PGM5: variants seen among roughly 807,000 people sequenced by gnomAD.
The protein encoded by PGM5 is phosphoglucomutase-like protein 5.
Under a neutral mutation model 59.2 loss-of-function variants are expected in PGM5, and 23 were observed. The observed-to-expected ratio is 0.39, with a 90% CI of 0.28 to 0.55. PGM5 has a LOEUF of 0.55. PGM5 is among the 20% of genes least tolerant of loss of function. The pLI is 0.66. For synonymous variants in PGM5, 214 were observed against 286.0 expected, an observed-to-expected ratio of 0.75 and a Z score of 2.54; for missense variants, 574 against 748.3, an observed-to-expected ratio of 0.77 and a Z score of 2.72.
chr9:68,488,859 G>GA (rs1163689487), intron 9 of PGM5, among the ~76,000 whole-genome samples: 1 of 151,968 alleles, frequency 6.6e-6, no homozygotes, highest in Non-Finnish European at 1.5e-5. Context: ...AATATAAGTG[G>GA]AAAAAAATAA....
intron 6 of PGM5, among the ~76,000 whole-genome samples, chr9:68,412,492 A>G (rs1415868668): frequency 6.6e-6 from 1 of 152,198 alleles, no homozygotes; most frequent in Non-Finnish European, 1.5e-5. Context: ...AGGGAAAAGC[A>G]CTGTCGAACA....
Position 68,432,294 on chromosome 9 carries a change from G to C in PGM5, c.1044-32799G>C, listed in dbSNP as rs557789263. On this transcript the variant is annotated intron_variant, in intron 6 of 10. Transcript: ENST00000396396. ...AGGTCACTGCAACCTCTGCCTCCTG[G>C]GTTCCAGCAATTCTCCTGTCTCAGC... is the stretch of plus-strand genomic sequence containing the variant. 2.0e-5 allele frequency among the ~76,000 whole-genome samples: 3 copies of C among 151,736 alleles called. No homozygotes were observed. The South Asian group carries it at 6.2e-4, about 32-fold the overall frequency.
intron 9 of PGM5, among the ~76,000 whole-genome samples, chr9:68,492,665 G>C (rs548306434): frequency 6.6e-6 from 1 of 152,254 alleles, no homozygotes; most frequent in Admixed American, 6.5e-5. Flanking sequence ...GGGGTAGAGG[G>C]GGGCACCTGT....
intron 1 of PGM5, among the ~76,000 whole-genome samples, chr9:68,368,112 G>GC (rs1228103972): frequency 6.6e-5 from 10 of 151,672 alleles, no homozygotes; most frequent in South Asian, 2.1e-4. Flanking sequence ...TGTGCATATA[G>GC]CCCCCCCATA....
chr9:68,388,610 T>G (rs1407957041), intron 4 of PGM5, among the ~76,000 whole-genome samples: 1 of 152,204 alleles, frequency 6.6e-6, no homozygotes, highest in Non-Finnish European at 1.5e-5. Flanking sequence ...AGAAAGCTCA[T>G]GGTAGGTAAA....
chr9:68,424,333 A>G (rs567698951), intron 6 of PGM5, among the ~76,000 whole-genome samples: 2 of 152,274 alleles, frequency 1.3e-5, no homozygotes, highest in East Asian at 3.9e-4. Context: ...GTCCAAAATC[A>G]AGGAGCTGGT....
Position 68,465,133 on chromosome 9 carries a change from G to A in PGM5, c.1084G>A (p.Ala362Thr), listed in dbSNP as rs1199569526. Residue 362 changes from alanine (A) to threonine (T), a missense_variant, in exon 7 of 11, where the codon GCT becomes ACT. Physicochemically the swap from Ala to Thr is moderately conservative, Grantham distance 58. Around this residue, in one of 7 missense-constraint regions of PGM5, gnomAD observed 300 missense variants for 280.0 expected, o/e 1.07. Transcript: ENST00000396396. ...GAAGGTCCCTGTATATGAGACCCCAGCTGGATGGAGATTCTTCTCAAATCT... is the reference window on the plus strand; with the variant it reads ...GAAGGTCCCTGTATATGAGACCCCAACTGGATGGAGATTCTTCTCAAATCT... Reference protein sequence around the residue: ...SMKVPVYETPAGWRFFSNLMD... With the variant: ...SMKVPVYETPTGWRFFSNLMD... 13 of 1,613,380 alleles carry A rather than the reference G, an allele frequency of 8.1e-6. No homozygotes were observed. Among genetic ancestry groups the A allele is most frequent in the Non-Finnish European group, 1.0e-5 (12 of 1,179,392 alleles).
intron 6 of PGM5, among the ~76,000 whole-genome samples, chr9:68,406,955 T>C (rs1207695760): frequency 6.6e-6 from 1 of 151,806 alleles, no homozygotes; most frequent in Non-Finnish European, 1.5e-5. Flanking sequence ...TCTTGCTGTG[T>C]ATATTCACAT....
chr9:68,368,629 A>C (rs1834725394), intron 1 of PGM5, among the ~76,000 whole-genome samples: 1 of 152,130 alleles, frequency 6.6e-6, no homozygotes, highest in African/African-American at 2.4e-5. Context: ...TCCAGTTTTT[A>C]GTTTTTAGGT....
intron 1 of PGM5, among the ~76,000 whole-genome samples, chr9:68,376,813 C>A (rs111689027): frequency 0.022 from 2,404 of 107,808 alleles, 104 homozygotes; most frequent in East Asian, 0.14. Context: ...TTCTTTCTTT[C>A]TTTCTTTCTT....
chr9:68,418,966 G>A (rs1398314948), intron 6 of PGM5, among the ~76,000 whole-genome samples: 3 of 152,110 alleles, frequency 2.0e-5, no homozygotes, highest in African/African-American at 7.2e-5. Flanking sequence ...AGAGAATGTG[G>A]TAAAGATCAG....
intron 1 of PGM5, among the ~76,000 whole-genome samples, chr9:68,361,336 G>A (rs1834575722): frequency 6.6e-6 from 1 of 152,186 alleles, no homozygotes; most frequent in African/African-American, 2.4e-5. Context: ...TGAAAAACTA[G>A]TCAGTTGTCC....
intron 10 of PGM5, among the ~76,000 whole-genome samples, chr9:68,527,110 A>G (rs752035331): frequency 2.0e-5 from 3 of 152,206 alleles, no homozygotes; most frequent in Non-Finnish European, 4.4e-5. Flanking sequence ...AGTTAAGTGG[A>G]GATCAGAAAA....
chr9:68,469,573 G>A (rs1823989843), intron 7 of PGM5, among the ~76,000 whole-genome samples: 1 of 152,216 alleles, frequency 6.6e-6, no homozygotes, highest in Non-Finnish European at 1.5e-5. Flanking sequence ...GGGGCCCTGA[G>A]TGTGTGTGTA....
intron 9 of PGM5, among the ~76,000 whole-genome samples, chr9:68,496,319 C>T (rs1181222303): frequency 1.3e-5 from 2 of 152,144 alleles, no homozygotes; most frequent in Non-Finnish European, 2.9e-5. Flanking sequence ...CAAAGCAATC[C>T]AATACAGCTA....
At chr9:68,502,800 C>T (rs1824599091) in intron 10 of PGM5, among the ~76,000 whole-genome samples, 1 of 152,120 alleles carries the variant, frequency 6.6e-6, no homozygotes, top group African/African-American at 2.4e-5. Context: ...AGGGATTCTC[C>T]TGCCTCAGCC....
At chr9:68,487,463 T>TACACACACACACAC (rs67566624) in intron 9 of PGM5, among the ~76,000 whole-genome samples, 44 of 141,780 alleles carry the variant, frequency 3.1e-4, no homozygotes, top group African/African-American at 5.2e-4. Flanking sequence ...CACACGCACA[T>TACACACACACACAC]ACACACACAC....
At chr9:68,482,626 T>C (rs2132091983) in intron 8 of PGM5, among the ~76,000 whole-genome samples, 1 of 152,334 alleles carries the variant, frequency 6.6e-6, no homozygotes, top group South Asian at 2.1e-4. Context: ...ACATCCTTTC[T>C]CTATGCTACA....
At chr9:68,471,620 A>T (rs1345713225) in intron 7 of PGM5, among the ~76,000 whole-genome samples, 10 of 151,608 alleles carry the variant, frequency 6.6e-5, no homozygotes, top group Admixed American at 1.3e-4. Context: ...GTCTCTTAAA[A>T]AAAAAAAAAA....
Sources: gnomAD v4.1 joint callset for allele counts (sites outside exome capture counted in the v4.1 genomes callset) on GRCh38, gnomAD v4.1.1 for gene constraint, gnomAD v4.1.1 regional missense constraint, MANE v1.5 for transcripts, NCBI Gene and HGNC (gene_info 2026-07-23, HGNC 2026-07-21) for gene names.